PRRC2C: variants seen among roughly 807,000 people sequenced by gnomAD.
The protein encoded by PRRC2C is protein PRRC2C.
PRRC2C carries 72 observed loss-of-function variants against 317.2 expected under a neutral mutation model. The ratio of observed to expected loss-of-function variants is 0.23; its 90% CI spans 0.19 to 0.28. The LOEUF (loss-of-function observed/expected upper bound fraction) is 0.28. Ranked by LOEUF, PRRC2C falls within the 10% of genes least tolerant of loss-of-function variation. PRRC2C has a pLI of 1.00. For synonymous variants in PRRC2C, 1,296 were observed against 1,205.9 expected (o/e 1.07, Z -1.55); for missense variants, 3,074 against 3,459.7 (o/e 0.89, Z 2.80).
In PRRC2C at chr1:171,541,338, G is replaced by T; in HGVS notation, c.3872G>T (p.Arg1291Ile). ...DSLSKGKLPK[R>I]EERPENKKPV... ...TTAAGTAAAGGCAAACTTCCCAAAA[G>T]AGAGGAACGGCCTGAAAACAAAAAA... is the stretch of plus-strand genomic sequence containing the variant. The change falls in exon 16 of 35, where the codon AGA (arginine) becomes ATA (isoleucine). Residue 1291 changes from arginine to isoleucine, a missense_variant. By Grantham distance (97) the Arg-to-Ile change is moderately conservative (BLOSUM62 -3). Transcript: ENST00000647382. This position sits in a 1 kb window ranked among gnomAD's most constrained non-coding sequence, Gnocchi z 4.1. The T allele has an allele frequency of 6.2e-7, 1 of 1,612,726 alleles. No homozygotes were observed. Among genetic ancestry groups the T allele is most frequent in the Non-Finnish European group, 8.5e-7 (1 of 1,179,620 alleles).
Position 171,536,294 on chromosome 1 carries a change from ATTTAT to A in PRRC2C, c.2293+17_2293+21del. The A allele has an allele frequency of 6.2e-7, 1 of 1,609,756 alleles. No homozygotes were observed. The highest frequency in any genetic ancestry group is 1.1e-5 in the South Asian group (1 of 90,292). On this transcript the variant is annotated intron_variant, in intron 14 of 34. Coordinates refer to ENST00000647382, the MANE Select transcript of PRRC2C (RefSeq NM_001387844.1). ...ATTCATCCTGGTCAGTTGAATTTGC[ATTTAT>A]AGTTTTACAGGATCAAAATTTTTTT...
chr1:171,507,035 C>A (rs113341604), intron 1 of PRRC2C, among the ~76,000 whole-genome samples: 3 of 152,012 alleles, frequency 2.0e-5, no homozygotes, highest in African/African-American at 7.2e-5. Context: ...TCCCCACCCC[C>A]CTTGATTCTG....
At chr1:171,516,203 A>G (rs1051685626) in intron 5 of PRRC2C, among the ~76,000 whole-genome samples, 1 of 152,224 alleles carries the variant, frequency 6.6e-6, no homozygotes, top group African/African-American at 2.4e-5. Flanking sequence ...TTACTACTGT[A>G]TTAATATTCG....
Position 171,591,939 on chromosome 1 carries a change from C to T in PRRC2C, c.*92C>T. 2 of 1,461,992 alleles carry T rather than the reference C, an allele frequency of 1.4e-6. No homozygotes were observed. The highest frequency in any genetic ancestry group is 1.9e-6 in the Non-Finnish European group (2 of 1,078,200). The allele number at this position is 1,461,992 out of a possible 1,614,324, so 90.6% of individuals were successfully genotyped here. ...GCTGGCAGCCAAAGGGGCAAAATGG[C>T]CTGTGACATTATCCTGTTCAGAGCT... is the stretch of plus-strand genomic sequence containing the variant. On this transcript the variant is annotated 3_prime_UTR_variant, in exon 35 of 35. Coordinates refer to ENST00000647382, the MANE Select transcript of PRRC2C (RefSeq NM_001387844.1).
chr1:171,554,918 G>A (rs1681054506), intron 18 of PRRC2C, among the ~76,000 whole-genome samples: 1 of 152,124 alleles, frequency 6.6e-6, no homozygotes, highest in South Asian at 2.1e-4. Flanking sequence ...TTCAACCTTG[G>A]TGAATCTGAC....
Position 171,525,064 on chromosome 1 carries a change from G to A in PRRC2C, c.1200+99G>A, listed in dbSNP as rs566694353. 6.4e-5 allele frequency: 65 copies of A among 1,016,844 alleles called. No homozygotes were observed. In the South Asian group the frequency reaches 1.8e-3, roughly 28 times the overall value. The allele number at this position is 1,016,844 out of a possible 1,614,324, so 63.0% of individuals were successfully genotyped here. ...AATTATTCTTACCACAGAGTGGAAC[G>A]GGACTTAGAAAAAGGAAACTGTGTA... On this transcript the variant is annotated intron_variant, in intron 10 of 34. Coordinates refer to ENST00000647382, the MANE Select transcript of PRRC2C (RefSeq NM_001387844.1).
chr1:171,541,418 A>G lies in PRRC2C; in HGVS notation c.3952A>G (p.Arg1318Gly). Reference protein sequence around the residue: ...KPDNHVRIDNRLLEKPYVRDD... With the variant: ...KPDNHVRIDNGLLEKPYVRDD... ...TGATAATCATGTTCGAATAGATAATAGACTGCTAGAAAAGCCTTATGTAAG... is the reference window on the plus strand; with the variant it reads ...TGATAATCATGTTCGAATAGATAATGGACTGCTAGAAAAGCCTTATGTAAG... The change falls in exon 16 of 35, where the codon AGA (arginine) becomes GGA (glycine). Residue 1318 changes from arginine (R) to glycine (G), a missense_variant. Around this residue, in one of 11 missense-constraint regions of PRRC2C, gnomAD observed 1,320 missense variants for 1,395.7 expected, o/e 0.95. Transcript: ENST00000647382. The surrounding 1 kb of genome is among the most constrained non-coding windows in gnomAD (Gnocchi z 4.1). 1.9e-6 allele frequency: 3 copies of G among 1,613,928 alleles called. No individual in the cohort carries two copies. The highest frequency in any genetic ancestry group is 2.5e-6 in the Non-Finnish European group (3 of 1,179,838).
intron 7 of PRRC2C, 71 bp downstream of exon 7, chr1:171,522,330 T>C (rs1298106446): frequency 1.9e-6 from 2 of 1,078,484 alleles, no homozygotes; most frequent in African/African-American, 1.6e-5. Flanking sequence ...GTTGAGTGGA[T>C]TGTGTGATTC....
At chr1:171,579,299 G>GA in intron 26 of PRRC2C, 55 bp from the exon 27 acceptor site, 1 of 1,526,000 alleles carries the variant, frequency 6.6e-7, no homozygotes, top group Non-Finnish European at 8.9e-7. Flanking sequence ...TTACTGTTTG[G>GA]AAAATTCTGA....
chr1:171,492,070 A>G (rs1208839055), intron 1 of PRRC2C, among the ~76,000 whole-genome samples: 2 of 152,208 alleles, frequency 1.3e-5, no homozygotes, highest in East Asian at 1.9e-4. Context: ...GAGGCTTTAG[A>G]CAGGTGAATT....
chr1:171,565,960 A>G (rs1683569051), intron 20 of PRRC2C, among the ~76,000 whole-genome samples: 2 of 152,182 alleles, frequency 1.3e-5, no homozygotes, highest in Non-Finnish European at 2.9e-5. Flanking sequence ...AAATGAGGAA[A>G]CAACTTGAAG....
chr1:171,584,304 TTTCATTTATCTAA>T, intron 29 of PRRC2C, 102 bp from the exon 30 acceptor site: 1 of 1,358,120 alleles, frequency 7.4e-7, no homozygotes, highest in Non-Finnish European at 1.0e-6. Flanking sequence ...AACAAAGTCC[TTTCATTTATCTAA>T]TACTAAAAAT....
At chr1:171,508,616 T>C (rs1050727669) in intron 1 of PRRC2C, among the ~76,000 whole-genome samples, 1 of 152,236 alleles carries the variant, frequency 6.6e-6, no homozygotes, top group Non-Finnish European at 1.5e-5. Flanking sequence ...TCGGATGTTC[T>C]ATAACCCTGT....
At chr1:171,545,978 A>T (rs1173748043) in intron 17 of PRRC2C, among the ~76,000 whole-genome samples, 2 of 151,776 alleles carry the variant, frequency 1.3e-5, no homozygotes, top group Admixed American at 6.6e-5. Context: ...TTCAGTAACC[A>T]CTCTACTTTG....
rs1358007361 is a variant in PRRC2C at position 171,535,695 on chromosome 1, C to G, written c.2043+98C>G. 3.0e-6 allele frequency: 4 copies of G among 1,326,136 alleles called. No homozygotes were observed. In the African/African-American group the frequency reaches 4.4e-5, roughly 15 times the overall value. The allele number at this position is 1,326,136 out of a possible 1,614,324, so 82.1% of individuals were successfully genotyped here. On this transcript the variant is annotated intron_variant, in intron 13 of 34. Coordinates refer to ENST00000647382, the MANE Select transcript of PRRC2C (RefSeq NM_001387844.1). Reference sequence around the variant, plus strand: ...CATAAAACTGATAATACGTAAAGCACACAAAGTTCCCTTGAAATTATTTTT... The same window carrying G: ...CATAAAACTGATAATACGTAAAGCAGACAAAGTTCCCTTGAAATTATTTTT...
intron 24 of PRRC2C, among the ~76,000 whole-genome samples, chr1:171,571,672 G>A (rs963246614): frequency 7.2e-5 from 11 of 152,082 alleles, no homozygotes; most frequent in African/African-American, 2.4e-4. Context: ...ATACAGGAGA[G>A]TATTTTTCCA....
chr1:171,533,388 G>A (rs1007616927), intron 12 of PRRC2C, among the ~76,000 whole-genome samples: 5 of 152,122 alleles, frequency 3.3e-5, no homozygotes, highest in Non-Finnish European at 5.9e-5. Flanking sequence ...TTTCAGGTTT[G>A]CTGTTTAATC....
At chr1:171,522,346 TGTG>T in intron 7 of PRRC2C, 87 bp downstream of exon 7, 1 of 891,220 alleles carries the variant, frequency 1.1e-6, no homozygotes, top group Admixed American at 2.0e-5. Flanking sequence ...GATTCTGAGT[TGTG>T]TAATTGATCG....
intron 1 of PRRC2C, among the ~76,000 whole-genome samples, chr1:171,496,130 A>AG (rs1668042667): frequency 6.7e-6 from 1 of 148,404 alleles, no homozygotes; most frequent in Non-Finnish European, 1.5e-5. Flanking sequence ...TATGAATGTC[A>AG]GGGGGGCACC....
Sources: allele counts gnomAD v4.1 joint callset (sites outside exome capture counted in the v4.1 genomes callset), GRCh38; gene constraint gnomAD v4.1.1; regional missense constraint gnomAD v4.1.1; non-coding constraint Gnocchi (gnomAD v3.1); transcripts MANE v1.5; gene names NCBI Gene and HGNC (gene_info 2026-07-23, HGNC 2026-07-21).